Variants in JAZF1 observed in about 807,000 individuals in gnomAD.
The protein encoded by JAZF1 is juxtaposed with another zinc finger protein 1.
In JAZF1, 8 loss-of-function variants were observed where a neutral mutation model predicts 26.4. The ratio of observed to expected loss-of-function variants is 0.30; its 90% CI spans 0.18 to 0.55. The LOEUF (loss-of-function observed/expected upper bound fraction) is 0.55. Ranked by LOEUF, JAZF1 falls within the 20% of genes least tolerant of loss-of-function variation. The pLI is 0.94. For synonymous variants in JAZF1, 126 were observed against 122.3 expected (o/e 1.03, Z -0.20); for missense variants, 199 against 322.0 (o/e 0.62, Z 2.92).
chr7:27,943,014 C>A (rs7783410), intron 2 of JAZF1, among the ~76,000 whole-genome samples: 145,512 of 152,266 alleles, frequency 0.96, 69,622 homozygotes, highest in East Asian at 1. Context: ...TCCAGAGAGG[C>A]TTCTTTTTCA....
chr7:27,983,312 C>T (rs1785625442), intron 2 of JAZF1, among the ~76,000 whole-genome samples: 1 of 152,132 alleles, frequency 6.6e-6, no homozygotes, highest in African/African-American at 2.4e-5. Context: ...GCACAAGCTT[C>T]AGTAGCTGAT....
intron 1 of JAZF1, among the ~76,000 whole-genome samples, chr7:28,110,287 G>A: frequency 6.6e-6 from 1 of 151,764 alleles, no homozygotes; most frequent in African/African-American, 2.4e-5. Flanking sequence ...TTAGCTGGGT[G>A]TGGTGGTGTG....
At chr7:27,949,652 A>G (rs958408836) in intron 2 of JAZF1, among the ~76,000 whole-genome samples, 1 of 152,144 alleles carries the variant, frequency 6.6e-6, no homozygotes, top group African/African-American at 2.4e-5. Flanking sequence ...AATCCCAGCT[A>G]CTCGGGAGTC....
intron 1 of JAZF1, among the ~76,000 whole-genome samples, chr7:28,133,903 C>T (rs702815): frequency 0.75 from 113,698 of 152,134 alleles, 42,816 homozygotes; most frequent in East Asian, 0.98. Context: ...GTCCCACTGC[C>T]ACTCCCCAAA....
intron 2 of JAZF1, among the ~76,000 whole-genome samples, chr7:27,972,862 C>A (rs892620844): frequency 3.3e-5 from 5 of 151,594 alleles, no homozygotes; most frequent in African/African-American, 1.2e-4. Context: ...TATACACACA[C>A]ATATACATAT....
rs148309134 is a variant in JAZF1, at chr7:28,165,461, C to T, written c.115+15002G>A. On this transcript the variant is annotated intron_variant, in intron 1 of 4. Transcript: ENST00000283928. ...TATAAAAAAGCAGAATGGAAACTAACCATAACGAAGTCACACAACATTCCA... is the reference window on the plus strand; with the variant it reads ...TATAAAAAAGCAGAATGGAAACTAATCATAACGAAGTCACACAACATTCCA... Among the ~76,000 whole-genome samples, 275 of 152,250 alleles carry T rather than the reference C, an allele frequency of 1.8e-3. 1 individual carries two copies. Among genetic ancestry groups the T allele is most frequent in the African/African-American group, 6.3e-3 (261 of 41,524 alleles).
intron 1 of JAZF1, among the ~76,000 whole-genome samples, chr7:28,159,281 C>A (rs1481352504): frequency 1.3e-5 from 2 of 151,818 alleles, no homozygotes; most frequent in African/African-American, 4.8e-5. Flanking sequence ...CCCTGTACTA[C>A]TTTTGCAACT....
intron 1 of JAZF1, among the ~76,000 whole-genome samples, chr7:28,073,012 C>G (rs1175953906): frequency 6.6e-6 from 1 of 152,164 alleles, no homozygotes; most frequent in East Asian, 1.9e-4. Flanking sequence ...GAAACTCCAG[C>G]CTTGCCTCAG....
Position 27,830,889 on chromosome 7 carries a change from T to G in JAZF1, c.*1911A>C, listed in dbSNP as rs140941341. On this transcript the variant is annotated 3_prime_UTR_variant, in exon 5 of 5. Transcript: ENST00000283928. The stretch of plus-strand genomic sequence containing the variant: ...ATCTTTGAAAGCATTGAAAGAAATT[T>G]AACATGCACAATGACTATTTTATGA... 4.6e-6 allele frequency: 1 copy of G among 215,210 alleles called. No homozygotes were observed. Among genetic ancestry groups the G allele is most frequent in the Non-Finnish European group, 9.4e-6 (1 of 106,376 alleles). 13.3% of individuals were successfully genotyped at this position (215,210 alleles called of 1,614,324 possible).
chr7:28,026,667 A>G (rs1309486924), intron 1 of JAZF1, among the ~76,000 whole-genome samples: 2 of 152,216 alleles, frequency 1.3e-5, no homozygotes, highest in Non-Finnish European at 2.9e-5. Flanking sequence ...TGCAAAGGCT[A>G]TATTTTCATG....
intron 2 of JAZF1, among the ~76,000 whole-genome samples, chr7:27,968,576 T>C (rs6955462): frequency 0.94 from 143,798 of 152,334 alleles, 67,988 homozygotes; most frequent in East Asian, 1. Context: ...GACCTTGATG[T>C]CTTAGCCCTT....
intron 2 of JAZF1, among the ~76,000 whole-genome samples, chr7:27,981,862 C>A (rs1288504362): frequency 6.6e-6 from 1 of 152,200 alleles, no homozygotes; most frequent in Non-Finnish European, 1.5e-5. Flanking sequence ...TATGCCAAAC[C>A]ACTGCACTTG....
At chr7:28,117,664 C>T (rs1025900398) in intron 1 of JAZF1, among the ~76,000 whole-genome samples, 15 of 152,150 alleles carry the variant, frequency 9.9e-5, no homozygotes, top group African/African-American at 3.6e-4. Context: ...AGACAGCAAC[C>T]TAGATTTTTA....
chr7:28,060,209 C>T (rs908397600), intron 1 of JAZF1, among the ~76,000 whole-genome samples: 2 of 152,196 alleles, frequency 1.3e-5, no homozygotes, highest in East Asian at 3.9e-4. Context: ...TATTTCAATA[C>T]TCTTGCTCCT....
intron 1 of JAZF1, among the ~76,000 whole-genome samples, chr7:28,010,830 T>C (rs1782786780): frequency 6.6e-6 from 1 of 152,356 alleles, no homozygotes; most frequent in Admixed American, 6.5e-5. Context: ...TCTCAATTAT[T>C]AAACGACATC....
At chr7:28,140,367 G>A (rs183609138) in intron 1 of JAZF1, among the ~76,000 whole-genome samples, 51 of 152,262 alleles carry the variant, frequency 3.3e-4, no homozygotes, top group Admixed American at 9.8e-4. Flanking sequence ...ACAGGCATGA[G>A]CCACCATGCC....
intron 1 of JAZF1, among the ~76,000 whole-genome samples, chr7:28,094,671 G>A (rs1214736680): frequency 6.6e-6 from 1 of 152,186 alleles, no homozygotes; most frequent in Non-Finnish European, 1.5e-5. Context: ...AGGAACATGG[G>A]CAAGCAGACC....
At chr7:27,881,985 G>T (rs760121258) in intron 3 of JAZF1, among the ~76,000 whole-genome samples, 7 of 152,100 alleles carry the variant, frequency 4.6e-5, no homozygotes, top group Non-Finnish European at 8.8e-5. Flanking sequence ...TTTGAAATAG[G>T]AATCTATGTG....
At chr7:27,868,078 A>G (rs1001757251) in intron 3 of JAZF1, among the ~76,000 whole-genome samples, 7 of 152,158 alleles carry the variant, frequency 4.6e-5, no homozygotes, top group Non-Finnish European at 7.3e-5. Flanking sequence ...CTTGCTACAG[A>G]GCCCACTTCA....
Sources: gnomAD v4.1 joint callset for allele counts (sites outside exome capture counted in the v4.1 genomes callset) on GRCh38, gnomAD v4.1.1 for gene constraint, MANE v1.5 for transcripts, NCBI Gene and HGNC (gene_info 2026-07-23, HGNC 2026-07-21) for gene names.